The following SMARCA2 variants were observed in gnomAD, a reference collection of about 807,000 sequenced individuals.
SMARCA2 encodes SWI/SNF related BAF chromatin remodeling complex subunit ATPase 2, also known as SWI/SNF-related matrix-associated actin-dependent regulator of chromatin subfamily A member 2.
A neutral mutation model predicts 199.8 loss-of-function variants in SMARCA2; 61 were observed. The observed-to-expected ratio is 0.31, with a 90% CI of 0.25 to 0.38. The LOEUF (loss-of-function observed/expected upper bound fraction) is 0.38, where lower values mean the gene tolerates loss of function less well. SMARCA2 is among the 10% of genes least tolerant of loss of function. SMARCA2 has a pLI of 1.00. For missense variants in SMARCA2, 1,344 were observed against 2,012.2 expected (o/e 0.67, Z 6.35); for synonymous variants, 935 against 732.0 (o/e 1.28, Z -4.48).
At chr9:2,107,441 C>G (rs1822806688) in intron 23 of SMARCA2, among the ~76,000 whole-genome samples, 1 of 152,222 alleles carries the variant, frequency 6.6e-6, no homozygotes, top group Non-Finnish European at 1.5e-5. Context: ...CCCCACCCTC[C>G]CAAGTAGCTG....
At chr9:2,073,762 A>AAGGATTTACAAATGCTT (rs1275387441) in intron 12 of SMARCA2, 139 bp downstream of exon 12, 1 of 652,742 alleles carries the variant, frequency 1.5e-6, no homozygotes, top group Non-Finnish European at 2.7e-6. Flanking sequence ...AGCTGGGGCT[A>AAGGATTTACAAATGCTT]AGGATTTACA....
At chr9:2,078,615 C>G (rs1344121754) in intron 14 of SMARCA2, among the ~76,000 whole-genome samples, 1 of 152,068 alleles carries the variant, frequency 6.6e-6, no homozygotes, top group African/African-American at 2.4e-5. Flanking sequence ...AAATTGTGTT[C>G]CATGAGACAT....
chr9:2,039,368 G>A lies in SMARCA2; in HGVS notation c.356-98G>A, dbSNP rs1819476898. The A allele has an allele frequency of 1.8e-6, 2 of 1,137,430 alleles. No individual in the cohort carries two copies. Among genetic ancestry groups the A allele is most frequent in the Non-Finnish European group, 1.3e-6 (1 of 797,050 alleles). The allele number at this position is 1,137,430 out of a possible 1,614,324, so 70.5% of individuals were successfully genotyped here. On this transcript the variant is annotated intron_variant, in intron 3 of 33. Transcript: ENST00000349721. The surrounding 1 kb of genome is among the most constrained non-coding windows in gnomAD (Gnocchi z 4.8). ...TGATATGTCATTCAAATTTCTGTCA[G>A]ACAGTGTTGCTGTGGACAATTATTA... is the stretch of plus-strand genomic sequence containing the variant.
intron 31 of SMARCA2, among the ~76,000 whole-genome samples, chr9:2,182,478 CTTTTTTTTTTTTT>C (rs145095906): frequency 2.7e-4 from 26 of 96,712 alleles, no homozygotes; most frequent in Admixed American, 1.8e-3. Context: ...AGCTTATAGT[CTTTTTTTTTTTTT>C]TTTTTTTTTT....
At chr9:2,100,664 C>T (rs1822469539) in intron 21 of SMARCA2, among the ~76,000 whole-genome samples, 1 of 151,374 alleles carries the variant, frequency 6.6e-6, no homozygotes, top group Non-Finnish European at 1.5e-5. Flanking sequence ...GACTGCGCCA[C>T]TGCACTCCAG....
intron 30 of SMARCA2, 133 bp from the exon 31 acceptor site, chr9:2,182,008 A>G (rs1170721256): frequency 2.7e-6 from 2 of 731,208 alleles, no homozygotes; most frequent in East Asian, 4.9e-5. Flanking sequence ...CCCTGGGGTT[A>G]TGCAGTCCCA....
chr9:2,056,011 T>C lies in SMARCA2; in HGVS notation c.1174-661T>C. ...ATTTCAGATGCAGTGGAATGATTATTTAATGTGTATTCTCCAGTCCCTACC... is the reference window on the plus strand; with the variant it reads ...ATTTCAGATGCAGTGGAATGATTATCTAATGTGTATTCTCCAGTCCCTACC... On this transcript the variant is annotated intron_variant, in intron 6 of 33. Transcript: ENST00000349721. The surrounding 1 kb of genome is among the most constrained non-coding windows in gnomAD (Gnocchi z 4.0). Among the ~76,000 whole-genome samples, 1 of 152,248 alleles carries C rather than the reference T, an allele frequency of 6.6e-6. No homozygotes were observed.
chr9:2,077,887 C>T lies in SMARCA2; in HGVS notation c.2184+111C>T, dbSNP rs930538521. 5.2e-5 allele frequency: 49 copies of T among 937,442 alleles called. 1 individual carries two copies. The South Asian group carries it at 8.0e-4, about 15-fold the overall frequency. 58.1% of individuals were successfully genotyped at this position (937,442 alleles called of 1,614,324 possible). On this transcript the variant is annotated intron_variant, in intron 14 of 33. Coordinates refer to ENST00000349721, the MANE Select transcript of SMARCA2 (RefSeq NM_003070.5). ...GGGCTTTTGATGATATTTTAGGCCACATCACTTATAATACTGAGGTTCCTT... is the reference window on the plus strand; with the variant it reads ...GGGCTTTTGATGATATTTTAGGCCATATCACTTATAATACTGAGGTTCCTT...
intron 27 of SMARCA2, among the ~76,000 whole-genome samples, chr9:2,125,581 C>T (rs1384212771): frequency 6.6e-6 from 1 of 150,846 alleles, no homozygotes; most frequent in Non-Finnish European, 1.5e-5. Context: ...CCTCTGCCTA[C>T]CGGGTTCAAG....
chr9:2,191,869 G>C (rs1462134040), intron 33 of SMARCA2: 1 of 101,486 alleles, frequency 9.9e-6, no homozygotes, highest in Non-Finnish European at 1.8e-5. Context: ...TAAGTACCTA[G>C]GGGTGTTATT....
At chr9:2,034,352 A>G (rs1234271738) in intron 3 of SMARCA2, among the ~76,000 whole-genome samples, 2 of 152,214 alleles carry the variant, frequency 1.3e-5, no homozygotes, top group African/African-American at 4.8e-5. Context: ...TCAACTCACA[A>G]CAATGGCTAA....
Position 2,060,952 on chromosome 9 carries a change from C to T in SMARCA2, c.1658C>T (p.Ala553Val). 6.2e-7 allele frequency: 1 copy of T among 1,613,874 alleles called. No homozygotes were observed. The highest frequency in any genetic ancestry group is 8.5e-7 in the Non-Finnish European group (1 of 1,179,916). The change falls in exon 9 of 34, where the codon GCC becomes GTC. Residue 553 changes from alanine to valine, a missense_variant. Physicochemically the swap from Ala to Val is moderately conservative, Grantham distance 64. This residue lies in a region of SMARCA2 where 68 missense variants were observed against 70.4 expected (regional missense o/e 0.97). Transcript: ENST00000349721. ...TGGGAGCACAAGCAAGCCCAGGCAG[C>T]CAAAGAGAAGAAGAAGAGGAGGAGG... Reference protein sequence around the residue: ...LVWEHKQAQAAKEKKKRRRRK... With the variant: ...LVWEHKQAQAVKEKKKRRRRK...
intron 28 of SMARCA2, among the ~76,000 whole-genome samples, chr9:2,167,528 A>G (rs1825996175): frequency 6.6e-6 from 1 of 152,258 alleles, no homozygotes; most frequent in Admixed American, 6.5e-5. Context: ...GTGCCTGGTC[A>G]GTCCAATTGG....
intron 19 of SMARCA2, among the ~76,000 whole-genome samples, chr9:2,089,718 G>A (rs996341988): frequency 4.6e-5 from 7 of 152,138 alleles, no homozygotes; most frequent in Non-Finnish European, 8.8e-5. Flanking sequence ...ACTTCCTGTG[G>A]TCTTGGCCTC....
chr9:2,174,775 G>C (rs7023119), intron 29 of SMARCA2, among the ~76,000 whole-genome samples: 148,566 of 151,728 alleles, frequency 0.98, 72,744 homozygotes, highest in East Asian at 1. Context: ...CAAAAATGAG[G>C]TGGGTGTGGT....
intron 12 of SMARCA2, 90 bp from the exon 13 acceptor site, chr9:2,076,139 A>T: frequency 1.3e-6 from 1 of 743,422 alleles, no homozygotes; most frequent in South Asian, 1.6e-5. Context: ...TGTGAAGTTC[A>T]ATACTAGTTT....
At position 2,119,971 on chromosome 9, in the gene SMARCA2, A is replaced by G. The variant is rs1194770448; in HGVS notation, c.3762+436A>G. On this transcript the variant is annotated intron_variant, in intron 26 of 33. Coordinates refer to ENST00000349721, the MANE Select transcript of SMARCA2 (RefSeq NM_003070.5). The surrounding 1 kb of genome is among the most constrained non-coding windows in gnomAD (Gnocchi z 4.6). Reference sequence around the variant, plus strand: ...GGAAGCCTACCTGGCTCCTATAGGCATTGGAACTTACAACAGTGCCCTTAC... The same window carrying G: ...GGAAGCCTACCTGGCTCCTATAGGCGTTGGAACTTACAACAGTGCCCTTAC... 1.3e-5 allele frequency among the ~76,000 whole-genome samples: 2 copies of G among 152,174 alleles called. No homozygotes were observed. The highest frequency in any genetic ancestry group is 2.4e-5 in the African/African-American group (1 of 41,444).
intron 1 of SMARCA2, among the ~76,000 whole-genome samples, chr9:2,018,387 G>C (rs557694438): frequency 3.2e-4 from 48 of 152,294 alleles, no homozygotes; most frequent in African/African-American, 1.1e-3. Context: ...CCTGATGGAG[G>C]TTGGTGCTTT....
chr9:2,065,279 G>C (rs1820787535), intron 9 of SMARCA2, among the ~76,000 whole-genome samples: 1 of 152,158 alleles, frequency 6.6e-6, no homozygotes, highest in Non-Finnish European at 1.5e-5. Flanking sequence ...ACATCTTTCA[G>C]TGGGATGTAT....
Sources: gnomAD v4.1 joint callset for allele counts (sites outside exome capture counted in the v4.1 genomes callset) on GRCh38, gnomAD v4.1.1 for gene constraint, gnomAD v4.1.1 regional missense constraint, Gnocchi (gnomAD v3.1) non-coding constraint, MANE v1.5 for transcripts, NCBI Gene and HGNC (gene_info 2026-07-23, HGNC 2026-07-21) for gene names.